The following ROS1 variants were observed in gnomAD, a reference collection of about 807,000 sequenced individuals.
The protein encoded by ROS1 is proto-oncogene tyrosine-protein kinase ROS.
In ROS1, 263 loss-of-function variants were observed where a neutral mutation model predicts 273.5. The observed-to-expected ratio is 0.96, with a 90% CI of 0.87 to 1.06. ROS1 has a LOEUF of 1.06. ROS1 is among the 50% of genes least tolerant of loss of function. ROS1 has a pLI of 0.00. For synonymous variants in ROS1, 1,008 were observed against 954.1 expected, an observed-to-expected ratio of 1.06 and a Z score of -1.04; for missense variants, 2,833 against 2,751.1, an observed-to-expected ratio of 1.03 and a Z score of -0.67.
intron 27 of ROS1, among the ~76,000 whole-genome samples, chr6:117,350,687 C>CTTTTTTTT (rs548987983): frequency 7.7e-6 from 1 of 130,042 alleles, no homozygotes; most frequent in Non-Finnish European, 1.6e-5. Flanking sequence ...GGTTTTTTTC[C>CTTTTTTTT]TTTTTTTTTT....
At chr6:117,373,472 G>A (rs560174032) in intron 18 of ROS1, among the ~76,000 whole-genome samples, 58 of 152,336 alleles carry the variant, frequency 3.8e-4, no homozygotes, top group Non-Finnish European at 6.6e-4. Context: ...AGCATGGCGC[G>A]GGCAGGCCAG....
intron 1 of ROS1, among the ~76,000 whole-genome samples, chr6:117,422,517 T>C (rs577912576): frequency 1.3e-5 from 2 of 152,322 alleles, no homozygotes; most frequent in South Asian, 4.1e-4. Context: ...AAAACTATGC[T>C]AATTTGTAAA....
intron 5 of ROS1, among the ~76,000 whole-genome samples, chr6:117,407,499 T>C (rs1774510098): frequency 6.6e-6 from 1 of 152,186 alleles, no homozygotes; most frequent in South Asian, 2.1e-4. Context: ...GAAGCATACC[T>C]TCTGTACCTT....
rs1775435625 is a variant in ROS1, at chr6:117,310,244, C to G, written c.6253G>C (p.Asp2085His). Residue 2085 changes from aspartate (D) to histidine (H), a missense_variant, in exon 41 of 44, where the codon GAC becomes CAC. Coordinates refer to ENST00000368507, the MANE Select transcript of ROS1 (RefSeq NM_001378902.1). ...TTCACTATCCGTGGACTGGTATAGT[C>G]TTTCACGGAAACAAGGCAATTTCTA... is the stretch of plus-strand genomic sequence containing the variant. The part of the protein sequence containing the change: ...AARNCLVSVK[D>H]YTSPRIVKIG... 3 of 1,611,310 alleles carry G rather than the reference C, an allele frequency of 1.9e-6. No homozygotes were observed. Among genetic ancestry groups the G allele is most frequent in the Non-Finnish European group, 2.5e-6 (3 of 1,178,540 alleles).
At chr6:117,412,492 T>A (rs930197378) in intron 4 of ROS1, among the ~76,000 whole-genome samples, 5 of 152,070 alleles carry the variant, frequency 3.3e-5, no homozygotes, top group African/African-American at 1.2e-4. Flanking sequence ...AAATAAGAAT[T>A]GCAAAAATGA....
At chr6:117,327,873 A>G (rs900699681) in intron 33 of ROS1, among the ~76,000 whole-genome samples, 44 of 152,334 alleles carry the variant, frequency 2.9e-4, no homozygotes, top group African/African-American at 9.4e-4. Flanking sequence ...CTTGTGATGC[A>G]GGAGGTGATG....
chr6:117,350,308 T>C (rs1413353676), intron 27 of ROS1, among the ~76,000 whole-genome samples: 2 of 152,060 alleles, frequency 1.3e-5, no homozygotes, highest in Non-Finnish European at 2.9e-5. Flanking sequence ...TATTTTACTT[T>C]TCTCTCTTCT....
chr6:117,422,252 C>G (rs903555563), intron 1 of ROS1, among the ~76,000 whole-genome samples: 3 of 152,178 alleles, frequency 2.0e-5, no homozygotes, highest in Non-Finnish European at 2.9e-5. Flanking sequence ...CTGAAGGGAA[C>G]TGTCCGCCTC....
At chr6:117,360,157 C>A in intron 23 of ROS1, 146 bp from the exon 24 acceptor site, 2 of 764,932 alleles carry the variant, frequency 2.6e-6, no homozygotes, top group Non-Finnish European at 2.1e-6. Flanking sequence ...ACCTTGTAGG[C>A]TCTCTACCCC....
chr6:117,410,896 A>G (rs1255851621), intron 4 of ROS1, among the ~76,000 whole-genome samples: 4 of 152,214 alleles, frequency 2.6e-5, no homozygotes, highest in African/African-American at 9.7e-5. Flanking sequence ...GATTTAGTAT[A>G]CGTTTCGCAT....
At chr6:117,319,619 C>T (rs183212074) in intron 37 of ROS1, among the ~76,000 whole-genome samples, 27 of 152,170 alleles carry the variant, frequency 1.8e-4, no homozygotes, top group Admixed American at 1.3e-3. Flanking sequence ...AAAATGATTG[C>T]CTGATAGGTC....
chr6:117,400,173 C>T (rs1773829567), intron 7 of ROS1, among the ~76,000 whole-genome samples: 1 of 152,158 alleles, frequency 6.6e-6, no homozygotes, highest in Non-Finnish European at 1.5e-5. Flanking sequence ...CTGGACCTGC[C>T]CTTTTCTCTC....
Position 117,328,435 on chromosome 6 carries a change from T to C in ROS1, c.5348+894A>G, listed in dbSNP as rs146540424. On this transcript the variant is annotated intron_variant, in intron 33 of 43. Transcript: ENST00000368507. The stretch of plus-strand genomic sequence containing the variant: ...ACCAAGACAGTTCTGCAGGTTAGAA[T>C]GTATTTCACTCTGCATGAAAAGCAG... 2,262 of 317,164 alleles carry C rather than the reference T, an allele frequency of 7.1e-3. 10 individuals are homozygous for C. The highest frequency in any genetic ancestry group is 0.011 in the Non-Finnish European group (1,784 of 166,698). The allele number at this position is 317,164 out of a possible 1,614,324, so 19.6% of individuals were successfully genotyped here. A position where few individuals can be genotyped will look rare whatever the true frequency, so the allele number is the denominator to read the frequency against.
chr6:117,406,312 G>A (rs1265686688), intron 5 of ROS1, among the ~76,000 whole-genome samples: 1 of 151,616 alleles, frequency 6.6e-6, no homozygotes, highest in African/African-American at 2.4e-5. Context: ...AGATATGGGA[G>A]GTATCTAAAG....
chr6:117,411,335 A>G (rs1363473253), intron 4 of ROS1, among the ~76,000 whole-genome samples: 1 of 145,838 alleles, frequency 6.9e-6, no homozygotes, highest in East Asian at 2.1e-4. Flanking sequence ...GCAATTCAAC[A>G]TTGGACTTCA....
At chr6:117,394,852 T>G in intron 9 of ROS1, 114 bp from the exon 10 acceptor site, 1 of 888,940 alleles carries the variant, frequency 1.1e-6, no homozygotes, top group East Asian at 2.7e-5. Flanking sequence ...TGAAAGAGGC[T>G]GGTCAAATTT....
intron 16 of ROS1, 69 bp downstream of exon 16, chr6:117,385,614 T>C (rs1772504530): frequency 7.4e-7 from 1 of 1,348,106 alleles, no homozygotes; most frequent in Middle Eastern, 1.9e-4. Flanking sequence ...AAAAAAGAAA[T>C]TGGTGTGCAA....
intron 13 of ROS1, among the ~76,000 whole-genome samples, chr6:117,389,040 T>G (rs1426157991): frequency 6.6e-6 from 1 of 152,190 alleles, no homozygotes; most frequent in African/African-American, 2.4e-5. Flanking sequence ...ACAAAAAATC[T>G]CAACCCAAGT....
At chr6:117,308,969 A>G (rs531914816) in intron 41 of ROS1, 41 bp from the exon 42 acceptor site, 2 of 1,590,770 alleles carry the variant, frequency 1.3e-6, no homozygotes, top group African/African-American at 2.7e-5. Flanking sequence ...TACTTATTAC[A>G]AACACCAGGT....
Sources: gnomAD v4.1 joint callset for allele counts (sites outside exome capture counted in the v4.1 genomes callset) on GRCh38, gnomAD v4.1.1 for gene constraint, MANE v1.5 for transcripts, NCBI Gene and HGNC (gene_info 2026-07-23, HGNC 2026-07-21) for gene names.